Variants in CSMD1 observed in about 807,000 individuals in gnomAD.
The protein encoded by CSMD1 is CUB and sushi domain-containing protein 1.
In CSMD1, 213 loss-of-function variants were observed where a neutral mutation model predicts 417.5. That is an observed-to-expected ratio of 0.51 (90% CI 0.46 to 0.57). The LOEUF (loss-of-function observed/expected upper bound fraction) is 0.57, where lower values mean the gene tolerates loss of function less well. CSMD1 is among the 20% of genes least tolerant of loss of function. CSMD1 has a pLI of 0.00. For synonymous variants in CSMD1, 2,862 were observed against 1,736.8 expected (o/e 1.65, Z -16.11); for missense variants, 6,923 against 4,529.7 (o/e 1.53, Z -15.17).
At chr8:4,569,327 G>A (rs993972092) in intron 2 of CSMD1, among the ~76,000 whole-genome samples, 1 of 152,186 alleles carries the variant, frequency 6.6e-6, no homozygotes, top group Admixed American at 6.5e-5. Flanking sequence ...TGTATAAGGT[G>A]TAACGAAGTG....
At chr8:2,954,900 A>G (rs572944546) in intron 64 of CSMD1, among the ~76,000 whole-genome samples, 1 of 152,346 alleles carries the variant, frequency 6.6e-6, no homozygotes, top group African/African-American at 2.4e-5. Context: ...GCTCCAGGAA[A>G]CAAAACCTAA....
intron 1 of CSMD1, among the ~76,000 whole-genome samples, chr8:4,877,593 T>G (rs1489219502): frequency 1.3e-5 from 2 of 152,058 alleles, no homozygotes; most frequent in Non-Finnish European, 2.9e-5. Flanking sequence ...TCATAACCAT[T>G]TCTCCCATCT....
intron 3 of CSMD1, among the ~76,000 whole-genome samples, chr8:4,191,827 A>G (rs1051185800): frequency 2.0e-5 from 3 of 152,152 alleles, no homozygotes; most frequent in African/African-American, 4.8e-5. Context: ...ATGATTTACA[A>G]TATGAGTCAG....
intron 10 of CSMD1, among the ~76,000 whole-genome samples, chr8:3,501,523 A>C (rs923236304): frequency 1.3e-5 from 2 of 152,234 alleles, no homozygotes; most frequent in Admixed American, 6.5e-5. Flanking sequence ...GGAATAAGAT[A>C]ATTTATAAAT....
chr8:3,294,153 C>A (rs755067877), intron 25 of CSMD1, among the ~76,000 whole-genome samples: 2 of 152,198 alleles, frequency 1.3e-5, no homozygotes, highest in Non-Finnish European at 2.9e-5. Context: ...TGTTGGTGAA[C>A]AGCAAATGCT....
chr8:4,155,666 G>C (rs542617014), intron 3 of CSMD1, among the ~76,000 whole-genome samples: 10 of 152,186 alleles, frequency 6.6e-5, no homozygotes, highest in African/African-American at 1.9e-4. Context: ...TCAAAGAAAC[G>C]TGACAGATTT....
At chr8:4,024,033 G>T (rs541181821) in intron 4 of CSMD1, among the ~76,000 whole-genome samples, 1 of 152,016 alleles carries the variant, frequency 6.6e-6, no homozygotes, top group African/African-American at 2.4e-5. Context: ...TATTGCAATT[G>T]AGAGAACATA....
intron 3 of CSMD1, among the ~76,000 whole-genome samples, chr8:4,358,618 A>G (rs530363788): frequency 2.0e-5 from 3 of 152,338 alleles, no homozygotes; most frequent in Admixed American, 2.0e-4. Context: ...CTAACAGGGT[A>G]TAACTATATC....
At chr8:4,921,615 C>T (rs545246985) in intron 1 of CSMD1, among the ~76,000 whole-genome samples, 3 of 152,210 alleles carry the variant, frequency 2.0e-5, no homozygotes, top group East Asian at 1.9e-4. Flanking sequence ...TTTTATTTTA[C>T]TCAGATAATG....
chr8:4,193,244 C>A (rs1326409903), intron 3 of CSMD1, among the ~76,000 whole-genome samples: 13 of 152,106 alleles, frequency 8.5e-5, no homozygotes, highest in Non-Finnish European at 1.9e-4. Flanking sequence ...AAAACCTTAA[C>A]GACAGGGTAT....
chr8:3,166,038 G>T (rs1820188592), intron 37 of CSMD1, among the ~76,000 whole-genome samples: 1 of 152,048 alleles, frequency 6.6e-6, no homozygotes, highest in African/African-American at 2.4e-5. Flanking sequence ...TTTATTCACT[G>T]TATTAGTCAA....
At chr8:4,371,788 A>T (rs926513654) in intron 3 of CSMD1, among the ~76,000 whole-genome samples, 1 of 152,184 alleles carries the variant, frequency 6.6e-6, no homozygotes, top group African/African-American at 2.4e-5. Flanking sequence ...TTGTTTTTTA[A>T]TTCATGTTGT....
chr8:4,190,060 C>A (rs1419708916), intron 3 of CSMD1, among the ~76,000 whole-genome samples: 1 of 151,704 alleles, frequency 6.6e-6, no homozygotes, highest in Non-Finnish European at 1.5e-5. Context: ...AGATCGAGAC[C>A]ATCCTGGCTA....
intron 3 of CSMD1, among the ~76,000 whole-genome samples, chr8:4,112,979 A>AAGTTGT (rs1801936268): frequency 6.6e-6 from 1 of 152,164 alleles, no homozygotes; most frequent in Non-Finnish European, 1.5e-5. Context: ...AATATTTCAA[A>AAGTTGT]AGTTGTTGTT....
At chr8:4,377,310 G>C (rs1183766947) in intron 3 of CSMD1, among the ~76,000 whole-genome samples, 4 of 152,160 alleles carry the variant, frequency 2.6e-5, no homozygotes, top group Non-Finnish European at 5.9e-5. Flanking sequence ...AGTCACCACA[G>C]CCCAAAACCT....
At chr8:4,715,930 A>G (rs1584987721) in intron 1 of CSMD1, among the ~76,000 whole-genome samples, 1 of 152,274 alleles carries the variant, frequency 6.6e-6, no homozygotes, top group Admixed American at 6.5e-5. Flanking sequence ...AATAGCTAAA[A>G]TTGTCTTGTA....
At chr8:3,599,475 A>ATTAGTAACCCCAACGCAGAG (rs1801256477) in intron 8 of CSMD1, among the ~76,000 whole-genome samples, 3 of 152,074 alleles carry the variant, frequency 2.0e-5, no homozygotes, top group Non-Finnish European at 4.4e-5. Flanking sequence ...ACAACGCAGC[A>ATTAGTAACCCCAACGCAGAG]TTAGTAACCC....
At chr8:4,819,443 TTA>T (rs66494054) in intron 1 of CSMD1, among the ~76,000 whole-genome samples, 10,512 of 152,104 alleles carry the variant, frequency 0.069, 620 homozygotes, top group East Asian at 0.23. Context: ...CCCAACTGAC[TTA>T]TAGAAATATT....
rs142708084 is a variant in CSMD1 at position 4,113,986 on chromosome 8, A to G, written c.416-81887T>C. The stretch of plus-strand genomic sequence containing the variant: ...ATAAAAGTTCCAGGTGAAGCAGCAA[A>G]TGTCAATGTAGAAGCTGCAGCACGT... On this transcript the variant is annotated intron_variant, in intron 3 of 69. Transcript: ENST00000635120. 6.8e-3 allele frequency among the ~76,000 whole-genome samples: 1,030 copies of G among 152,316 alleles called. 12 individuals carry two copies. Among genetic ancestry groups the G allele is most frequent in the African/African-American group, 0.024 (987 of 41,576 alleles).
Sources: allele counts gnomAD v4.1 joint callset (sites outside exome capture counted in the v4.1 genomes callset), GRCh38; gene constraint gnomAD v4.1.1; transcripts MANE v1.5; gene names NCBI Gene and HGNC (gene_info 2026-07-23, HGNC 2026-07-21).